Variants in CNBD1 observed in about 807,000 individuals in gnomAD.
The protein encoded by CNBD1 is cyclic nucleotide-binding domain-containing protein 1.
In CNBD1, 71 loss-of-function variants were observed where a neutral mutation model predicts 54.4. That is an observed-to-expected ratio of 1.30 (90% confidence interval 1.08 to 1.59). The LOEUF (loss-of-function observed/expected upper bound fraction) is 1.59. Ranked by LOEUF, CNBD1 falls within the 40% of genes most tolerant of loss-of-function variation. The pLI is 0.00. For missense variants in CNBD1, 659 were observed against 518.0 expected, an observed-to-expected ratio of 1.27 and a Z score of -2.64; for synonymous variants, 182 against 170.7, an observed-to-expected ratio of 1.07 and a Z score of -0.51.
At chr8:86,977,342 C>T in intron 4 of CNBD1, among the ~76,000 whole-genome samples, 1 of 152,166 alleles carries the variant, frequency 6.6e-6, no homozygotes, top group Non-Finnish European at 1.5e-5. Flanking sequence ...CATATGTCAT[C>T]CACTTGATGG....
chr8:86,936,653 G>C (rs1397530741), intron 3 of CNBD1, among the ~76,000 whole-genome samples: 4 of 149,912 alleles, frequency 2.7e-5, no homozygotes, highest in Non-Finnish European at 5.9e-5. Flanking sequence ...TGAGGCAGGA[G>C]AATGGTGTGA....
intron 10 of CNBD1, among the ~76,000 whole-genome samples, chr8:87,365,599 C>T (rs1434852141): frequency 1.3e-5 from 2 of 151,916 alleles, no homozygotes; most frequent in East Asian, 3.9e-4. Flanking sequence ...GTTTACATTG[C>T]CATGCCATGT....
chr8:87,365,023 G>A (rs940578712), intron 10 of CNBD1, among the ~76,000 whole-genome samples: 17 of 152,118 alleles, frequency 1.1e-4, no homozygotes, highest in South Asian at 4.2e-4. Flanking sequence ...TGAGATTGCT[G>A]GATCAAATGG....
At chr8:86,945,736 G>A (rs1412652830) in intron 4 of CNBD1, among the ~76,000 whole-genome samples, 1 of 152,210 alleles carries the variant, frequency 6.6e-6, no homozygotes, top group African/African-American at 2.4e-5. Flanking sequence ...GACACAAATG[G>A]TGATCATTTA....
chr8:87,360,712 T>C (rs1199582473), intron 10 of CNBD1, among the ~76,000 whole-genome samples: 1 of 151,956 alleles, frequency 6.6e-6, no homozygotes, highest in African/African-American at 2.4e-5. Context: ...TTATATCTCA[T>C]TCAACAACTT....
At chr8:87,205,048 A>G (rs1170526865) in intron 4 of CNBD1, among the ~76,000 whole-genome samples, 2 of 152,088 alleles carry the variant, frequency 1.3e-5, no homozygotes, top group African/African-American at 2.4e-5. Flanking sequence ...ATGCATACAC[A>G]TGGATACCAG....
At chr8:87,390,361 C>G (rs1342803262) in intron 2 of CNBD1, among the ~76,000 whole-genome samples, 4 of 152,090 alleles carry the variant, frequency 2.6e-5, no homozygotes, top group Non-Finnish European at 5.9e-5. Context: ...TGACAAAGGG[C>G]TAATATCCAG....
At chr8:86,871,153 G>A (rs1428108935) in intron 1 of CNBD1, among the ~76,000 whole-genome samples, 2 of 152,194 alleles carry the variant, frequency 1.3e-5, no homozygotes, top group Non-Finnish European at 2.9e-5. Context: ...TTAAATGTGA[G>A]CTTGATGGTA....
intron 6 of CNBD1, among the ~76,000 whole-genome samples, chr8:87,263,643 C>A (rs1161623186): frequency 6.6e-6 from 1 of 151,832 alleles, no homozygotes; most frequent in Non-Finnish European, 1.5e-5. Context: ...AGAAAATAAA[C>A]CAAAAATTAT....
At chr8:86,919,671 G>A (rs556059702) in intron 3 of CNBD1, among the ~76,000 whole-genome samples, 2 of 152,272 alleles carry the variant, frequency 1.3e-5, no homozygotes, top group South Asian at 4.1e-4. Context: ...CAGGCTAGTG[G>A]CCTCCTGCTT....
At chr8:87,208,310 A>G (rs1026458813) in intron 5 of CNBD1, among the ~76,000 whole-genome samples, 3 of 152,134 alleles carry the variant, frequency 2.0e-5, no homozygotes, top group Non-Finnish European at 4.4e-5. Context: ...TAGGAAAACA[A>G]TATTATATTT....
At chr8:87,418,577 T>TA (rs1375626541) in intron 2 of CNBD1, among the ~76,000 whole-genome samples, 1 of 151,802 alleles carries the variant, frequency 6.6e-6, no homozygotes, top group Non-Finnish European at 1.5e-5. Flanking sequence ...AAAGATGACC[T>TA]ACAAAAAAGG....
At chr8:87,364,513 C>T (rs1415426646) in intron 10 of CNBD1, among the ~76,000 whole-genome samples, 1 of 150,492 alleles carries the variant, frequency 6.6e-6, no homozygotes, top group African/African-American at 2.4e-5. Context: ...ATTTTATGTT[C>T]AGAAGTACAT....
chr8:87,205,590 A>G (rs1813955430), intron 4 of CNBD1, among the ~76,000 whole-genome samples: 1 of 152,208 alleles, frequency 6.6e-6, no homozygotes, highest in Non-Finnish European at 1.5e-5. Flanking sequence ...AGTACTTAAA[A>G]GAATTAAGAA....
At chr8:86,875,778 A>G (rs940425697) in intron 1 of CNBD1, among the ~76,000 whole-genome samples, 27 of 152,170 alleles carry the variant, frequency 1.8e-4, no homozygotes, top group African/African-American at 5.6e-4. Context: ...AGCTGCTAAG[A>G]ACTATGTTGA....
chr8:87,040,191 T>G (rs1189117722), intron 4 of CNBD1, among the ~76,000 whole-genome samples: 1 of 152,178 alleles, frequency 6.6e-6, no homozygotes, highest in Non-Finnish European at 1.5e-5. Flanking sequence ...GGGGGGTTTT[T>G]TGAGACAGAT....
intron 4 of CNBD1, among the ~76,000 whole-genome samples, chr8:87,132,101 G>T (rs896361728): frequency 4.6e-5 from 7 of 151,056 alleles, no homozygotes; most frequent in African/African-American, 1.5e-4. Flanking sequence ...ATGTGTCTTG[G>T]GGCACTGCTT....
chr8:87,375,252 C>T (rs1255946644), intron 10 of CNBD1, among the ~76,000 whole-genome samples: 1 of 151,816 alleles, frequency 6.6e-6, no homozygotes, highest in African/African-American at 2.4e-5. Flanking sequence ...TTAAAAACAG[C>T]TGATAGTTTA....
At chr8:86,939,956 G>A (rs57065521) in intron 4 of CNBD1, 10,512 of 368,112 alleles carry the variant, frequency 0.029, 916 homozygotes, top group African/African-American at 0.19. Flanking sequence ...GGTGTATCAC[G>A]GATATAATGC....
Sources: gnomAD v4.1 joint callset for allele counts (sites outside exome capture counted in the v4.1 genomes callset) on GRCh38, gnomAD v4.1.1 for gene constraint, MANE v1.5 for transcripts, NCBI Gene and HGNC (gene_info 2026-07-23, HGNC 2026-07-21) for gene names.